NBN: variants seen among roughly 807,000 people sequenced by gnomAD.
NBN encodes Nijmegen breakage syndrome 1 (nibrin).
A neutral mutation model predicts 90.8 loss-of-function variants in NBN; 88 were observed. The ratio of observed to expected loss-of-function variants is 0.97; its 90% CI spans 0.82 to 1.16. NBN has a LOEUF of 1.16. Ranked by LOEUF, NBN falls within the 50% of genes most tolerant of loss-of-function variation. The pLI, the probability that NBN is intolerant of heterozygous loss-of-function variation, is 0.00. For missense variants in NBN, 894 were observed against 869.6 expected, an observed-to-expected ratio of 1.03 and a Z score of -0.35; for synonymous variants, 328 against 295.1, an observed-to-expected ratio of 1.11 and a Z score of -1.14.
chr8:89,961,497 GTTGGGAGTGAAAACAA>G (rs1460976441), intron 8 of NBN, among the ~76,000 whole-genome samples: 1 of 152,198 alleles, frequency 6.6e-6, no homozygotes, highest in Non-Finnish European at 1.5e-5. Flanking sequence ...ACTTGGAGGA[GTTGGGAGTGAAAACAA>G]TTTAGAAGAG....
rs192989840 is a variant in NBN at position 89,975,119 on chromosome 8, C to T, written c.584+3101G>A. Among the ~76,000 whole-genome samples the T allele has an allele frequency of 1.2e-3, 180 of 152,362 alleles. No individual in the cohort carries two copies. The highest frequency in any genetic ancestry group is 1.8e-3 in the Non-Finnish European group (122 of 68,030). The stretch of plus-strand genomic sequence containing the variant: ...TCTAAAAATGACTTCATCTACTTTA[C>T]TACTTTGATGACAGTCAAGGAAAAT... On this transcript the variant is annotated intron_variant, in intron 5 of 15. Transcript: ENST00000265433.
Position 89,981,393 on chromosome 8 carries a change from A to C in NBN, c.302T>G (p.Val101Gly), listed in dbSNP as rs185493105. ...LKSGDGITFG[V>G]FGSKFRIEYE... ...GTCTTACCTGAATTTACTTCCAAAC[A>C]CTCCAAAAGTAATACCATCCCCCGA... The change falls in exon 3 of 16, where the codon GTG becomes GGG. Residue 101 changes from valine (V) to glycine (G), a missense_variant. Coordinates refer to ENST00000265433, the MANE Select transcript of NBN (RefSeq NM_002485.5). The C allele has an allele frequency of 6.2e-7, 1 of 1,613,888 alleles. No individual in the cohort carries two copies. The highest frequency in any genetic ancestry group is 8.5e-7 in the Non-Finnish European group (1 of 1,179,984).
At chr8:89,946,359 A>G in intron 12 of NBN, 64 bp from the exon 13 acceptor site, 1 of 1,426,978 alleles carries the variant, frequency 7.0e-7, no homozygotes, top group East Asian at 2.3e-5. Flanking sequence ...GTCACTTGTC[A>G]TTTGGGAATC....
In NBN at chr8:89,984,586, C is replaced by T. The variant is rs2129938899; in HGVS notation, c.-25G>A. On this transcript the variant is annotated 5_prime_UTR_variant, in exon 1 of 16. Coordinates refer to ENST00000265433, the MANE Select transcript of NBN (RefSeq NM_002485.5). ...TCGGTCCGGCTCCTCAGGGCTGGGG[C>T]CGACGTGCAACCGCGTAACCGGGGC... 1 of 1,612,072 alleles carries T rather than the reference C, an allele frequency of 6.2e-7. No individual in the cohort carries two copies. Among genetic ancestry groups the T allele is most frequent in the South Asian group, 1.1e-5 (1 of 90,900 alleles).
In NBN at chr8:89,934,190, G is replaced by A. The variant is rs1809560700; in HGVS notation, c.*1392C>T. 4.3e-6 allele frequency: 1 copy of A among 231,320 alleles called. No homozygotes were observed. Among genetic ancestry groups the A allele is most frequent in the African/African-American group, 2.2e-5 (1 of 45,198 alleles). The allele number at this position is 231,320 out of a possible 1,614,324, so 14.3% of individuals were successfully genotyped here. A position where few individuals can be genotyped will look rare whatever the true frequency, so the allele number is the denominator to read the frequency against. On this transcript the variant is annotated 3_prime_UTR_variant, in exon 16 of 16. Coordinates refer to ENST00000265433, the MANE Select transcript of NBN (RefSeq NM_002485.5). ...GGTAATTATGATACATGGCTATTAAGAGACTCAAATGACTCCATTTCATCA... is the reference window on the plus strand; with the variant it reads ...GGTAATTATGATACATGGCTATTAAAAGACTCAAATGACTCCATTTCATCA...
intron 4 of NBN, among the ~76,000 whole-genome samples, chr8:89,978,952 T>A (rs1192516467): frequency 1.3e-5 from 2 of 152,186 alleles, no homozygotes; most frequent in African/African-American, 2.4e-5. Context: ...CAGTGGGCAA[T>A]GAAAATAAGA....
chr8:89,981,339 G>T (rs1430715065), intron 3 of NBN, 36 bp downstream of exon 3: 7 of 1,587,680 alleles, frequency 4.4e-6, no homozygotes, highest in Admixed American at 1.7e-5. Flanking sequence ...CTGAAACAAA[G>T]CTGTCCATTT....
intron 8 of NBN, among the ~76,000 whole-genome samples, chr8:89,961,866 G>A (rs960097740): frequency 1.3e-5 from 2 of 152,090 alleles, no homozygotes; most frequent in African/African-American, 4.8e-5. Flanking sequence ...CATTACTAGG[G>A]CAATTACTAA....
intron 12 of NBN, among the ~76,000 whole-genome samples, 182 bp downstream of exon 12, chr8:89,947,642 T>C (rs971300819): frequency 1.3e-5 from 2 of 151,380 alleles, no homozygotes; most frequent in Admixed American, 6.6e-5. Flanking sequence ...AATAAATAAA[T>C]AAACAAATAA....
intron 8 of NBN, among the ~76,000 whole-genome samples, chr8:89,963,324 GAGTGTGCAATCTGGT>G (rs1004799210): frequency 2.6e-5 from 4 of 152,168 alleles, no homozygotes; most frequent in African/African-American, 9.7e-5. Context: ...ATGCTCCCCG[GAGTGTGCAATCTGGT>G]AGTGCTGTTC....
chr8:89,935,635 A>T (rs777500521), intron 15 of NBN, 23 bp from the exon 16 acceptor site: 1 of 1,603,286 alleles, frequency 6.2e-7, no homozygotes, highest in South Asian at 1.1e-5. Flanking sequence ...AAATGGGGTT[A>T]AATGATATTT....
intron 5 of NBN, among the ~76,000 whole-genome samples, chr8:89,971,815 A>G (rs1226850667): frequency 6.6e-6 from 1 of 152,212 alleles, no homozygotes; most frequent in African/African-American, 2.4e-5. Flanking sequence ...AACAAGACTA[A>G]AGAATATAAT....
intron 11 of NBN, among the ~76,000 whole-genome samples, chr8:89,952,457 T>A (rs1314509685): frequency 6.6e-6 from 1 of 152,178 alleles, no homozygotes; most frequent in African/African-American, 2.4e-5. Context: ...ACAGGCCAAA[T>A]AGGACATAGG....
chr8:89,969,634 T>C (rs1805792), intron 7 of NBN, among the ~76,000 whole-genome samples: 46,869 of 152,062 alleles, frequency 0.31, 7,469 homozygotes, highest in East Asian at 0.45. Context: ...TTTTCAAGTA[T>C]ACTACACTAT....
At chr8:89,982,665 T>G in intron 2 of NBN, 57 bp downstream of exon 2, 1 of 1,429,552 alleles carries the variant, frequency 7.0e-7, no homozygotes. Context: ...ACCAAGAGAA[T>G]ATTTTGTGAT....
intron 14 of NBN, among the ~76,000 whole-genome samples, chr8:89,941,438 A>C (rs912303689): frequency 2.0e-5 from 3 of 152,334 alleles, no homozygotes; most frequent in Non-Finnish European, 2.9e-5. Context: ...ATTGTATGTG[A>C]AGTTAATATG....
intron 5 of NBN, among the ~76,000 whole-genome samples, chr8:89,977,986 T>C (rs1418765491): frequency 6.6e-6 from 1 of 152,214 alleles, no homozygotes; most frequent in African/African-American, 2.4e-5. Context: ...TCCATTTTTT[T>C]CTTTAAATAT....
chr8:89,984,238 G>C (rs1393370839), intron 1 of NBN: 3 of 537,632 alleles, frequency 5.6e-6, no homozygotes, highest in African/African-American at 2.0e-5. Flanking sequence ...GCGCTGCAAC[G>C]GCGCGGGGGT....
chr8:89,963,992 C>T (rs1811121765), intron 8 of NBN, among the ~76,000 whole-genome samples: 1 of 152,182 alleles, frequency 6.6e-6, no homozygotes, highest in African/African-American at 2.4e-5. Flanking sequence ...CACACAGCTG[C>T]CTTTTCCCAT....
Sources: gnomAD v4.1 joint callset for allele counts (sites outside exome capture counted in the v4.1 genomes callset) on GRCh38, gnomAD v4.1.1 for gene constraint, MANE v1.5 for transcripts, NCBI Gene and HGNC (gene_info 2026-07-23, HGNC 2026-07-21) for gene names.